The following PPP1R12A variants were observed in gnomAD, a reference collection of about 807,000 sequenced individuals.
PPP1R12A encodes myosin binding subunit.
PPP1R12A carries 19 observed loss-of-function variants against 139.6 expected under a neutral mutation model. The ratio of observed to expected loss-of-function variants is 0.14; its 90% CI spans 0.09 to 0.20. The LOEUF is 0.20. Ranked by LOEUF, PPP1R12A falls within the 10% of genes least tolerant of loss-of-function variation. The probability of loss-of-function intolerance (pLI) is 1.00; values close to 1 mark genes in which losing one functional copy is unlikely to be tolerated. For synonymous variants in PPP1R12A, 427 were observed against 420.6 expected (o/e 1.02, Z -0.19); for missense variants, 925 against 1,211.5 (o/e 0.76, Z 3.51).
intron 1 of PPP1R12A, among the ~76,000 whole-genome samples, chr12:79,881,702 C>A (rs1883654639): frequency 6.6e-6 from 1 of 152,178 alleles, no homozygotes; most frequent in South Asian, 2.1e-4. Context: ...ACTGTAGACA[C>A]GGCAACCTTC....
At chr12:79,833,227 G>A (rs1877650276) in intron 3 of PPP1R12A, among the ~76,000 whole-genome samples, 1 of 151,956 alleles carries the variant, frequency 6.6e-6, no homozygotes, top group Admixed American at 6.6e-5. Flanking sequence ...CAATGATCAT[G>A]CCACTGCATT....
chr12:79,845,435 G>A lies in PPP1R12A; in HGVS notation c.369-15C>T, dbSNP rs1879258624. The A allele has an allele frequency of 6.5e-7, 1 of 1,542,806 alleles. No homozygotes were observed. Among genetic ancestry groups the A allele is most frequent in the Non-Finnish European group, 8.9e-7 (1 of 1,126,682 alleles). The stretch of plus-strand genomic sequence containing the variant: ...CAATCAAAAACCTGTAAAACCAAAG[G>A]AAAAATAGTTAAGCAAAAGATATTA... On this transcript the variant is annotated splice_polypyrimidine_tract_variant and intron_variant, in intron 2 of 24. Transcript: ENST00000450142.
intron 20 of PPP1R12A, among the ~76,000 whole-genome samples, 175 bp from the exon 21 acceptor site, chr12:79,788,958 A>T (rs1461976977): frequency 6.6e-6 from 1 of 152,046 alleles, no homozygotes; most frequent in African/African-American, 2.4e-5. Context: ...ATTTTTTTAG[A>T]TAGGGTCTCA....
In PPP1R12A at chr12:79,778,617, T is replaced by G; in HGVS notation, c.2956-17A>C. On this transcript the variant is annotated splice_polypyrimidine_tract_variant and intron_variant, in intron 23 of 24. Transcript: ENST00000450142. Reference sequence around the variant, plus strand: ...TCTTCGTTCCTAGATCGATTTAAGGTACCAATGTTAGTTATATAATTATTA... The same window carrying G: ...TCTTCGTTCCTAGATCGATTTAAGGGACCAATGTTAGTTATATAATTATTA... 6.8e-7 allele frequency: 1 copy of G among 1,471,698 alleles called. No homozygotes were observed. Among genetic ancestry groups the G allele is most frequent in the Non-Finnish European group, 9.2e-7 (1 of 1,092,134 alleles). The allele number at this position is 1,471,698 out of a possible 1,614,324, so 91.2% of individuals were successfully genotyped here.
At position 79,775,896 on chromosome 12, in the gene PPP1R12A, G is replaced by GTAA; in HGVS notation, c.*32_*33insTTA. 2.8e-6 allele frequency: 4 copies of GTAA among 1,450,992 alleles called. No individual in the cohort carries two copies. The highest frequency in any genetic ancestry group is 3.8e-6 in the Non-Finnish European group (4 of 1,066,368). 89.9% of individuals were successfully genotyped at this position (1,450,992 alleles called of 1,614,324 possible). A position where few individuals can be genotyped will look rare whatever the true frequency, so the allele number is the denominator to read the frequency against. On this transcript the variant is annotated 3_prime_UTR_variant, in exon 25 of 25. Transcript: ENST00000450142. ...TTATGGTCCACTGGGTTACTAATAT[G>GTAA]TGCAATTCCATTACTTGCTGCTTTT...
intron 1 of PPP1R12A, among the ~76,000 whole-genome samples, chr12:79,899,234 ATATATATATATATATATATATATATAT>A (rs1337746200): frequency 1.2e-3 from 4 of 3,470 alleles, no homozygotes; most frequent in African/African-American, 1.3e-3. Flanking sequence ...GATCTTAAAA[ATATATATATATATATATATATATATAT>A]ATATATATAT....
intron 2 of PPP1R12A, 49 bp downstream of exon 2, chr12:79,872,759 G>C (rs1488071551): frequency 3.2e-6 from 5 of 1,569,074 alleles, no homozygotes; most frequent in South Asian, 2.3e-5. Context: ...TAAACATTCA[G>C]GTCTGTCAAA....
chr12:79,928,134 T>C (rs1348666757), intron 1 of PPP1R12A, among the ~76,000 whole-genome samples: 4 of 152,246 alleles, frequency 2.6e-5, no homozygotes, highest in Non-Finnish European at 4.4e-5. Context: ...TTTTTAAATG[T>C]GGTAATAACA....
In PPP1R12A at chr12:79,776,002, A is replaced by G; in HGVS notation, c.3020T>C (p.Leu1007Pro). Reference protein sequence around the residue: ...MEEELKMLPDLKADNQRLKDE... With the variant: ...MEEELKMLPDPKADNQRLKDE... ...CTTTAGCCTCTGGTTGTCTGCTTTTAGGTCTGGTAACATCTATAAAGAGAA... is the reference window on the plus strand; with the variant it reads ...CTTTAGCCTCTGGTTGTCTGCTTTTGGGTCTGGTAACATCTATAAAGAGAA... The change falls in exon 25 of 25, where the codon CTA becomes CCA. Residue 1007 changes from leucine (L) to proline (P), a missense_variant. Around this residue, in one of 4 missense-constraint regions of PPP1R12A, gnomAD observed 315 missense variants for 363.4 expected, o/e 0.87. Transcript: ENST00000450142. The G allele has an allele frequency of 6.3e-7, 1 of 1,594,626 alleles. No individual in the cohort carries two copies. The highest frequency in any genetic ancestry group is 8.6e-7 in the Non-Finnish European group (1 of 1,169,464).
intron 3 of PPP1R12A, among the ~76,000 whole-genome samples, chr12:79,844,938 T>G (rs1879207678): frequency 6.6e-6 from 1 of 152,170 alleles, no homozygotes; most frequent in African/African-American, 2.4e-5. Flanking sequence ...TATTCACATC[T>G]CAGCTTAAAT....
Position 79,841,051 on chromosome 12 carries a change from TAA to T in PPP1R12A, c.487+4249_487+4250del, listed in dbSNP as rs777684899. On this transcript the variant is annotated intron_variant, in intron 3 of 24. Transcript: ENST00000450142. The stretch of plus-strand genomic sequence containing the variant: ...TGTATGTCTCCAATTCCTTTTTATT[TAA>T]AAAAAAAAAAAAAAAAGAGAGAGAG... 1.9e-3 allele frequency among the ~76,000 whole-genome samples: 244 copies of T among 131,352 alleles called. 2 individuals are homozygous for T. Among genetic ancestry groups the T allele is most frequent in the African/African-American group, 5.3e-3 (190 of 35,554 alleles). The allele number at this position is 131,352 out of a possible 152,430, so 86.2% of individuals were successfully genotyped here. A position where few individuals can be genotyped will look rare whatever the true frequency, so the allele number is the denominator to read the frequency against.
intron 2 of PPP1R12A, among the ~76,000 whole-genome samples, chr12:79,870,361 C>T (rs1882443698): frequency 6.6e-6 from 1 of 152,106 alleles, no homozygotes; most frequent in Admixed American, 6.5e-5. Context: ...AGCAAGGCCT[C>T]CCAAACTGCT....
Position 79,808,540 on chromosome 12 carries a change from G to A in PPP1R12A, c.1493C>T (p.Ala498Val). The A allele has an allele frequency of 1.2e-6, 2 of 1,608,780 alleles. No homozygotes were observed. Among genetic ancestry groups the A allele is most frequent in the Non-Finnish European group, 8.5e-7 (1 of 1,176,280 alleles). The change falls in exon 11 of 25, where the codon GCA becomes GTA. Residue 498 changes from alanine to valine, a missense_variant. This residue lies in a region of PPP1R12A where 403 missense variants were observed against 463.7 expected (regional missense o/e 0.87). Coordinates refer to ENST00000450142, the MANE Select transcript of PPP1R12A (RefSeq NM_002480.3). ...DSKGTRLAYV[A>V]PTIPRRLAST... is the part of the protein sequence containing the mutation. Reference sequence around the variant, plus strand: ...GGCTAGTCGTCTTGGTATTGTAGGTGCAACATATGCAAGCCTAGTTCCTTT... The same window carrying A: ...GGCTAGTCGTCTTGGTATTGTAGGTACAACATATGCAAGCCTAGTTCCTTT...
intron 2 of PPP1R12A, among the ~76,000 whole-genome samples, chr12:79,858,528 G>A (rs1018831382): frequency 2.0e-5 from 3 of 152,184 alleles, no homozygotes; most frequent in African/African-American, 4.8e-5. Context: ...ATTCAAAGTT[G>A]ACGAGAATTA....
intron 1 of PPP1R12A, among the ~76,000 whole-genome samples, chr12:79,916,488 C>T (rs1473112498): frequency 6.6e-6 from 1 of 152,138 alleles, no homozygotes; most frequent in Admixed American, 6.5e-5. Flanking sequence ...CACATTATCT[C>T]CTATTGGATT....
At chr12:79,935,301 G>C (rs1592862388), upstream of PPP1R12A, 1 of 1,053,020 alleles carries the variant, frequency 9.5e-7, no homozygotes, top group African/African-American at 1.7e-5. Flanking sequence ...GGTGGTGGCT[G>C]GGCCACCAGA....
chr12:79,842,614 T>TGA (rs1565772507), intron 3 of PPP1R12A, among the ~76,000 whole-genome samples: 1 of 149,734 alleles, frequency 6.7e-6, no homozygotes, highest in South Asian at 2.1e-4. Context: ...TGTGTGTGTG[T>TGA]GAGTCCTGCC....
At chr12:79,799,511 T>C (rs536130789) in intron 14 of PPP1R12A, among the ~76,000 whole-genome samples, 1 of 152,350 alleles carries the variant, frequency 6.6e-6, no homozygotes, top group African/African-American at 2.4e-5. Flanking sequence ...TTATTGTTCA[T>C]ACTTTTGAGT....
chr12:79,900,429 C>A (rs1050713436), intron 1 of PPP1R12A, among the ~76,000 whole-genome samples: 5 of 152,082 alleles, frequency 3.3e-5, no homozygotes, highest in African/African-American at 1.2e-4. Context: ...TAGGGTCCAC[C>A]ACGTAATAGG....
Sources: allele counts gnomAD v4.1 joint callset (sites outside exome capture counted in the v4.1 genomes callset), GRCh38; gene constraint gnomAD v4.1.1; regional missense constraint gnomAD v4.1.1; transcripts MANE v1.5; gene names NCBI Gene and HGNC (gene_info 2026-07-23, HGNC 2026-07-21).